Variants in KLKB1 observed in about 807,000 individuals in gnomAD.
The protein encoded by KLKB1 is kallikrein B1.
A neutral mutation model predicts 73.6 loss-of-function variants in KLKB1; 58 were observed. The observed-to-expected ratio is 0.79, with a 90% CI of 0.64 to 0.98. KLKB1 has a LOEUF of 0.98. KLKB1 is among the 50% of genes least tolerant of loss of function. KLKB1 has a pLI of 0.00. For missense variants in KLKB1, 737 were observed against 763.8 expected (o/e 0.96, Z 0.41); for synonymous variants, 280 against 258.1 (o/e 1.08, Z -0.81).
chr4:186,237,407 T>G (rs1737753072), intron 5 of KLKB1, among the ~76,000 whole-genome samples: 1 of 152,196 alleles, frequency 6.6e-6, no homozygotes, highest in Non-Finnish European at 1.5e-5. Context: ...CTTCATTTTT[T>G]AATTAAATAA....
At chr4:186,233,157 C>T (rs1737486870) in intron 3 of KLKB1, among the ~76,000 whole-genome samples, 1 of 152,206 alleles carries the variant, frequency 6.6e-6, no homozygotes, top group South Asian at 2.1e-4. Flanking sequence ...TCGTGATCCA[C>T]CTGCCTCTAC....
intron 6 of KLKB1, among the ~76,000 whole-genome samples, chr4:186,243,191 TG>T (rs4253280): frequency 0.11 from 15,951 of 151,636 alleles, 942 homozygotes; most frequent in South Asian, 0.21. Context: ...TGAGGAGGAG[TG>T]GAGTAGCAGA....
chr4:186,254,438 T>C, intron 11 of KLKB1, 150 bp from the exon 12 acceptor site: 1 of 721,170 alleles, frequency 1.4e-6, no homozygotes, highest in Non-Finnish European at 2.5e-6. Flanking sequence ...CTATTGGTGA[T>C]GAAAAATTAC....
At chr4:186,233,586 G>T (rs777097241) in intron 3 of KLKB1, among the ~76,000 whole-genome samples, 2 of 152,198 alleles carry the variant, frequency 1.3e-5, no homozygotes, top group Non-Finnish European at 2.9e-5. Flanking sequence ...AGATGAACAC[G>T]ATATACAAAT....
chr4:186,225,796 T>C (rs1177399010), upstream of KLKB1, among the ~76,000 whole-genome samples: 3 of 152,166 alleles, frequency 2.0e-5, no homozygotes, highest in Admixed American at 6.5e-5. Flanking sequence ...TGGATGTTTA[T>C]TTCATTTATG....
rs1739132319 is a variant in KLKB1 at position 186,258,342 on chromosome 4, ACT to A, written c.*132_*133del. On this transcript the variant is annotated 3_prime_UTR_variant, in exon 15 of 15. Coordinates refer to ENST00000264690, the MANE Select transcript of KLKB1 (RefSeq NM_000892.5). ...ATCCTAAGGACGAAAAACACAGTGC[ACT>A]CAGAGCTGCTGAGGACAATGTCTGG... The A allele has an allele frequency of 1.2e-6, 1 of 823,560 alleles. No homozygotes were observed. The highest frequency in any genetic ancestry group is 2.1e-6 in the Non-Finnish European group (1 of 487,620). The allele number at this position is 823,560 out of a possible 1,614,324, so 51.0% of individuals were successfully genotyped here.
At chr4:186,245,810 T>G (rs1192981950) in intron 6 of KLKB1, among the ~76,000 whole-genome samples, 1 of 88,814 alleles carries the variant, frequency 1.1e-5, no homozygotes, top group African/African-American at 4.5e-5. Context: ...GAGTTTTTTT[T>G]TGTTTGTTTT....
intron 3 of KLKB1, among the ~76,000 whole-genome samples, chr4:186,232,633 G>C (rs1432774788): frequency 6.6e-6 from 1 of 152,184 alleles, no homozygotes; most frequent in Admixed American, 6.5e-5. Context: ...CATTTCATCT[G>C]AATAAAGAAA....
intron 6 of KLKB1, among the ~76,000 whole-genome samples, chr4:186,240,310 A>C (rs1737958756): frequency 6.6e-6 from 1 of 151,900 alleles, no homozygotes; most frequent in African/African-American, 2.4e-5. Flanking sequence ...ATATAGTTAT[A>C]GGACAGTGAT....
intron 7 of KLKB1, 146 bp from the exon 8 acceptor site, chr4:186,251,073 C>CT (rs1738644948): frequency 1.6e-6 from 1 of 635,584 alleles, no homozygotes; most frequent in Non-Finnish European, 2.8e-6. Flanking sequence ...TATTAGAGTC[C>CT]TGTAGTTGGA....
At chr4:186,252,346 A>C (rs529893362) in intron 11 of KLKB1, among the ~76,000 whole-genome samples, 161 bp downstream of exon 11, 2 of 152,340 alleles carry the variant, frequency 1.3e-5, no homozygotes, top group East Asian at 3.9e-4. Flanking sequence ...GCACTGACCA[A>C]CCTGACCATT....
intron 14 of KLKB1, 115 bp downstream of exon 14, chr4:186,257,480 A>G: frequency 1.2e-6 from 1 of 829,352 alleles, no homozygotes; most frequent in Non-Finnish European, 1.8e-6. Flanking sequence ...GAGACAAATG[A>G]TCTGATAAAT....
Position 186,228,065 on chromosome 4 carries a change from T to C in KLKB1, c.-1-130T>C, listed in dbSNP as rs989667242. The C allele has an allele frequency of 6.1e-6, 4 of 654,622 alleles. No individual in the cohort carries two copies. In the African/African-American group the frequency reaches 7.3e-5, roughly 12 times the overall value. The allele number at this position is 654,622 out of a possible 1,614,324, so 40.6% of individuals were successfully genotyped here. On this transcript the variant is annotated intron_variant, in intron 1 of 14. Coordinates refer to ENST00000264690, the MANE Select transcript of KLKB1 (RefSeq NM_000892.5). ...ATGTACCAAAAAAAAACCCTTGTTTTCTATACCAGTAATTGTGTGCTTTGT... is the reference window on the plus strand; with the variant it reads ...ATGTACCAAAAAAAAACCCTTGTTTCCTATACCAGTAATTGTGTGCTTTGT...
chr4:186,251,959 A>G, intron 10 of KLKB1, 58 bp from the exon 11 acceptor site: 5 of 1,611,996 alleles, frequency 3.1e-6, no homozygotes, highest in Non-Finnish European at 4.2e-6. Flanking sequence ...CTCCTTGGTT[A>G]GAAGGGACTT....
chr4:186,219,577 TC>T (rs1736988100), intron 2 of KLKB1, among the ~76,000 whole-genome samples: 1 of 152,198 alleles, frequency 6.6e-6, no homozygotes, highest in Non-Finnish European at 1.5e-5. Flanking sequence ...ACAAACATGT[TC>T]CTAACAAAAT....
rs7697077 is a variant in KLKB1 at position 186,211,005 on chromosome 4, T to A, written c.201+1733T>A. 7.4e-4 allele frequency: 166 copies of A among 223,574 alleles called. No individual in the cohort carries two copies. The highest frequency in any genetic ancestry group is 1.2e-3 in the Non-Finnish European group (139 of 112,956). 13.8% of individuals were successfully genotyped at this position (223,574 alleles called of 1,614,324 possible). A position where few individuals can be genotyped will look rare whatever the true frequency, so the allele number is the denominator to read the frequency against. On this transcript the variant is annotated intron_variant, in intron 2 of 14. Coordinates refer to the KLKB1 transcript ENST00000511608. ...GTGCCTGCCACCATGCCTGGCTAAT[T>A]TTTTTGTATTTTTAGTAGAAACAGG...
chr4:186,245,081 G>A lies in KLKB1; in HGVS notation c.599-5162G>A, dbSNP rs113820406. Among the ~76,000 whole-genome samples the A allele has an allele frequency of 4.9e-3, 753 of 152,198 alleles. 5 individuals carry two copies. Among genetic ancestry groups the A allele is most frequent in the African/African-American group, 0.017 (714 of 41,522 alleles). On this transcript the variant is annotated intron_variant, in intron 6 of 14. Coordinates refer to ENST00000264690, the MANE Select transcript of KLKB1 (RefSeq NM_000892.5). ...GCGGATAATTGAGTTAAAATGCCTC[G>A]ACCTAGTAAGGGAGCTGGGCAGGTG...
chr4:186,240,222 ATATTGT>A (rs1215189737), intron 6 of KLKB1, among the ~76,000 whole-genome samples: 5 of 152,050 alleles, frequency 3.3e-5, no homozygotes, highest in Admixed American at 6.5e-5. Context: ...TAGGACAGTG[ATATTGT>A]TATAGTTATA....
chr4:186,250,258 T>A lies in KLKB1; in HGVS notation c.614T>A (p.Ile205Asn). The part of the protein sequence containing the change: ...ALSEIGCHMN[I>N]FQHLAFSDVD... ...GAGTTCACAGGTTGCCACATGAACA[T>A]CTTCCAGCATCTTGCGTTCTCAGAT... Residue 205 changes from isoleucine (I) to asparagine (N), a missense_variant, in exon 7 of 15, where the codon ATC (isoleucine) becomes AAC (asparagine). Coordinates refer to ENST00000264690, the MANE Select transcript of KLKB1 (RefSeq NM_000892.5). 1 of 1,614,190 alleles carries A rather than the reference T, an allele frequency of 6.2e-7. No individual in the cohort carries two copies. The highest frequency in any genetic ancestry group is 8.5e-7 in the Non-Finnish European group (1 of 1,180,006).
Sources: allele counts gnomAD v4.1 joint callset (sites outside exome capture counted in the v4.1 genomes callset), GRCh38; gene constraint gnomAD v4.1.1; transcripts MANE v1.5; gene names NCBI Gene and HGNC (gene_info 2026-07-23, HGNC 2026-07-21).